Variants in TTC23L observed in about 807,000 individuals in gnomAD.
TTC23L encodes the protein tetratricopeptide repeat domain 23 like.
TTC23L carries 42 observed loss-of-function variants against 48.1 expected under a neutral mutation model. That is an observed-to-expected ratio of 0.87 (90% confidence interval 0.68 to 1.13). TTC23L has a LOEUF of 1.13. Ranked by LOEUF, TTC23L falls within the 50% of genes most tolerant of loss-of-function variation. The pLI is 0.00. For missense variants in TTC23L, 391 were observed against 421.0 expected (o/e 0.93, Z 0.62); for synonymous variants, 159 against 157.2 (o/e 1.01, Z -0.09).
chr5:34,843,797 C>T (rs1486257704), intron 2 of TTC23L, among the ~76,000 whole-genome samples: 2 of 152,154 alleles, frequency 1.3e-5, no homozygotes, highest in African/African-American at 4.8e-5. Context: ...AAAGACTGCA[C>T]ATTCTTTTCT....
At position 34,882,340 on chromosome 5, in the gene TTC23L, G is replaced by A. The variant is rs528622966; in HGVS notation, c.1077+2032G>A. Among the ~76,000 whole-genome samples the A allele has an allele frequency of 8.5e-5, 13 of 152,228 alleles. No individual in the cohort carries two copies. In the South Asian group the frequency reaches 1.2e-3, roughly 15 times the overall value. Reference sequence around the variant, plus strand: ...TCCAAATCTAAACCATAAGCAGGACGGACTATGGACAAGTCAGCTTTACCA... The same window carrying A: ...TCCAAATCTAAACCATAAGCAGGACAGACTATGGACAAGTCAGCTTTACCA... On this transcript the variant is annotated intron_variant, in intron 9 of 10. Coordinates refer to ENST00000505624, the Ensembl canonical transcript of TTC23L.
intron 4 of TTC23L, among the ~76,000 whole-genome samples, chr5:34,859,422 C>A (rs1014849371): frequency 6.6e-6 from 1 of 152,158 alleles, no homozygotes; most frequent in Admixed American, 6.6e-5. Context: ...GATCTAATTC[C>A]CCCTCCTCAT....
chr5:34,864,522 T>C, exon 6 of TTC23L: 2 of 1,613,858 alleles, frequency 1.2e-6, no homozygotes, highest in Non-Finnish European at 1.7e-6. Flanking sequence ...TGTTTGTGAA[T>C]TACAAGTCTC....
At chr5:34,892,223 C>T (rs886987667) in intron 9 of TTC23L, among the ~76,000 whole-genome samples, 3 of 152,208 alleles carry the variant, frequency 2.0e-5, no homozygotes, top group Non-Finnish European at 4.4e-5. Flanking sequence ...TCACCTCTTC[C>T]GGAAACTCGT....
intron 4 of TTC23L, among the ~76,000 whole-genome samples, chr5:34,857,868 C>G (rs981178784): frequency 2.6e-5 from 4 of 152,126 alleles, no homozygotes; most frequent in Admixed American, 6.6e-5. Context: ...AAGTCTGGCT[C>G]TAGACCCTGC....
intron 4 of TTC23L, 22 bp downstream of exon 4, chr5:34,850,330 G>A (rs1341623034): frequency 6.2e-7 from 1 of 1,613,070 alleles, no homozygotes; most frequent in Non-Finnish European, 8.5e-7. Context: ...TCCCAGCTGG[G>A]TTTGGGTGGC....
At chr5:34,866,926 C>T in exon 7 of TTC23L, 1 of 1,608,480 alleles carries the variant, frequency 6.2e-7, no homozygotes, top group Non-Finnish European at 8.5e-7. Context: ...GAACCTAGCT[C>T]TGGCATACTT....
rs534382823 is a variant in TTC23L at position 34,863,959 on chromosome 5, T to C, written c.537-478T>C. 7.7e-4 allele frequency among the ~76,000 whole-genome samples: 117 copies of C among 152,300 alleles called. No individual in the cohort carries two copies. Among genetic ancestry groups the C allele is most frequent in the Middle Eastern group, 3.4e-3 (1 of 294 alleles). On this transcript the variant is annotated intron_variant, in intron 5 of 10. Coordinates refer to ENST00000505624, the Ensembl canonical transcript of TTC23L. The surrounding 1 kb of genome is among the most constrained non-coding windows in gnomAD (Gnocchi z 4.1). ...AGGGGGCTATTGAAAATGTGGGAAA[T>C]AGAAGAATGTTTGGGAATTAAGGGG...
chr5:34,882,316 C>T (rs17303001), intron 9 of TTC23L, among the ~76,000 whole-genome samples: 20,814 of 152,042 alleles, frequency 0.14, 1,615 homozygotes, highest in Middle Eastern at 0.22. Context: ...CCAGGTGGCT[C>T]CAAATCTAAA....
chr5:34,880,031 C>T, intron 8 of TTC23L, 150 bp from the exon 9 acceptor site: 1 of 849,630 alleles, frequency 1.2e-6, no homozygotes, highest in Non-Finnish European at 1.7e-6. Context: ...AAAAAAACCA[C>T]ACATCTTAGA....
chr5:34,922,896 G>A, the TTC23L span: 1 of 1,218,640 alleles, frequency 8.2e-7, no homozygotes, highest in Non-Finnish European at 1.2e-6. Flanking sequence ...AATTCTTTCA[G>A]GTACATTTAT....
At chr5:34,845,624 AATT>A (rs1298536388) in exon 3 of TTC23L, 1 of 1,613,888 alleles carries the variant, frequency 6.2e-7, no homozygotes, top group Admixed American at 1.7e-5. Context: ...CCCAAAGAGA[AATT>A]AGCCCAATCC....
intron 9 of TTC23L, among the ~76,000 whole-genome samples, chr5:34,887,537 C>T (rs1336638741): frequency 6.6e-6 from 1 of 151,870 alleles, no homozygotes; most frequent in African/African-American, 2.4e-5. Context: ...ACAAAACAAG[C>T]AAAAAACAAA....
chr5:34,868,144 T>C (rs1407513093), intron 7 of TTC23L: 1 of 152,358 alleles, frequency 6.6e-6, no homozygotes, highest in East Asian at 1.9e-4. Flanking sequence ...CACAGAGTTA[T>C]AGCTAACTCA....
chr5:34,856,871 T>G (rs941101088), intron 4 of TTC23L, among the ~76,000 whole-genome samples: 1 of 152,166 alleles, frequency 6.6e-6, no homozygotes, highest in Admixed American at 6.5e-5. Context: ...AAGAACAGTT[T>G]CCCCATAGTG....
At chr5:34,911,594 C>T in the TTC23L span, 1 of 1,614,132 alleles carries the variant, frequency 6.2e-7, no homozygotes. Flanking sequence ...ATTTGTAGGA[C>T]TTCACTCGTC....
intron 9 of TTC23L, among the ~76,000 whole-genome samples, chr5:34,884,541 CACAA>C (rs1408503669): frequency 4.4e-4 from 67 of 151,688 alleles, no homozygotes; most frequent in Non-Finnish European, 5.3e-4. Context: ...CACACACACA[CACAA>C]ACACACACAC....
chr5:34,917,475 T>G, the TTC23L span, among the ~76,000 whole-genome samples: 1 of 148,160 alleles, frequency 6.7e-6, no homozygotes, highest in Admixed American at 6.7e-5. Flanking sequence ...CTACTAACAC[T>G]ACAAAAAAAA....
chr5:34,909,073 T>A, the TTC23L span: 4 of 1,062,684 alleles, frequency 3.8e-6, no homozygotes, highest in Non-Finnish European at 5.5e-6. Flanking sequence ...TTGCTAATAT[T>A]TTCTGTTTTA....
Sources: allele counts gnomAD v4.1 joint callset (sites outside exome capture counted in the v4.1 genomes callset), GRCh38; gene constraint gnomAD v4.1.1; non-coding constraint Gnocchi (gnomAD v3.1); transcripts MANE v1.5; gene names NCBI Gene and HGNC (gene_info 2026-07-23, HGNC 2026-07-21).